Variants in FUNDC1 observed in about 807,000 individuals in gnomAD.
The protein encoded by FUNDC1 is FUN14 domain containing 1, also known as FUN14 domain-containing protein 1.
In FUNDC1, 10 loss-of-function variants were observed where a neutral mutation model predicts 14.5. The observed-to-expected ratio is 0.69, with a 90% CI of 0.43 to 1.17. The LOEUF is 1.17. Ranked by LOEUF, FUNDC1 falls within the 50% of genes most tolerant of loss-of-function variation. The pLI is 0.00. For missense variants in FUNDC1, 115 were observed against 113.8 expected (o/e 1.01, Z -0.05); for synonymous variants, 33 against 39.7 (o/e 0.83, Z 0.64).
Position 44,538,527 on chromosome X carries a change from C to G in FUNDC1, c.201G>C (p.Leu67=). ...GGVTGWCAGF[L]FQKVGKLAAT... is the part of the protein sequence containing the mutation. ...CTGCAAGTTTTCCAACTTTCTGGAACAGAAATCCTGCACACCTTTAATCAA... is the reference window on the plus strand; with the variant it reads ...CTGCAAGTTTTCCAACTTTCTGGAAGAGAAATCCTGCACACCTTTAATCAA... The change falls in exon 3 of 5, where the codon CTG becomes CTC. Residue 67 remains leucine, a synonymous_variant. Coordinates refer to ENST00000378045, the MANE Select transcript of FUNDC1 (RefSeq NM_173794.4). 8.3e-7 allele frequency: 1 copy of G among 1,202,364 alleles called. No individual in the cohort carries two copies. Among genetic ancestry groups the G allele is most frequent in the Non-Finnish European group, 1.1e-6 (1 of 886,986 alleles).
rs565517870 is a variant in FUNDC1, at chrX:44,531,305, ATGTTGGC to A, written c.262-3947_262-3941del. ...ACACACGGCTTTCAGATGAAGATTCATGTTGGCCAGACACACACACACACACACACAC... is the reference window on the plus strand; with the variant it reads ...ACACACGGCTTTCAGATGAAGATTCACAGACACACACACACACACACACAC... On this transcript the variant is annotated intron_variant, in intron 3 of 4. Transcript: ENST00000378045. Among the ~76,000 whole-genome samples, 98 of 35,264 alleles carry A rather than the reference ATGTTGGC, an allele frequency of 2.8e-3. 10 individuals are homozygous for A. Among genetic ancestry groups the A allele is most frequent in the African/African-American group, 0.023 (37 of 1,583 alleles). The allele number at this position is 35,264 out of a possible 115,157, so 30.6% of individuals were successfully genotyped here. A position where few individuals can be genotyped will look rare whatever the true frequency, so the allele number is the denominator to read the frequency against.
chrX:44,538,562 G>A lies in FUNDC1; in HGVS notation c.186-20C>T, dbSNP rs765750799. On this transcript the variant is annotated intron_variant, in intron 2 of 4. Coordinates refer to ENST00000378045, the MANE Select transcript of FUNDC1 (RefSeq NM_173794.4). ...GCACACCTTTAATCAAATAACAAAAGATGAAAACAATCAATTATGTACTAA... is the reference window on the plus strand; with the variant it reads ...GCACACCTTTAATCAAATAACAAAAAATGAAAACAATCAATTATGTACTAA... The A allele has an allele frequency of 2.8e-5, 32 of 1,133,717 alleles. No homozygotes were observed. Among genetic ancestry groups the A allele is most frequent in the Non-Finnish European group, 2.4e-6 (2 of 827,670 alleles). The allele number at this position is 1,133,717 out of a possible 1,213,427, so 93.4% of individuals were successfully genotyped here. A position where few individuals can be genotyped will look rare whatever the true frequency, so the allele number is the denominator to read the frequency against.
chrX:44,536,101 CA>C (rs1268165318), intron 3 of FUNDC1, among the ~76,000 whole-genome samples: 2 of 109,508 alleles, frequency 1.8e-5, no homozygotes, highest in African/African-American at 6.7e-5. Flanking sequence ...ATCAATAGGT[CA>C]AGAGTTCTAG....
At chrX:44,527,501 GT>G in intron 3 of FUNDC1, 136 bp from the exon 4 acceptor site, 1 of 399,598 alleles carries the variant, frequency 2.5e-6, no homozygotes, top group Non-Finnish European at 4.0e-6. Flanking sequence ...TTCTCCACTA[GT>G]TTATTCATTT....
chrX:44,535,602 G>A (rs1319353591), intron 3 of FUNDC1, among the ~76,000 whole-genome samples: 19 of 102,558 alleles, frequency 1.9e-4, no homozygotes, highest in African/African-American at 3.3e-4. Flanking sequence ...CCTGGGAGGC[G>A]GAGCTTGCAG....
intron 1 of FUNDC1, chrX:44,542,329 C>A: frequency 2.5e-6 from 1 of 393,232 alleles, no homozygotes; most frequent in Non-Finnish European, 4.4e-6. Flanking sequence ...GCCCGGGGAC[C>A]AGCCTGGGGT....
intron 1 of FUNDC1, chrX:44,542,366 A>G: frequency 2.6e-6 from 1 of 380,809 alleles, no homozygotes; most frequent in Non-Finnish European, 4.5e-6. Context: ...ACTCAGAATG[A>G]CACAGTAGTG....
chrX:44,538,725 T>C (rs1257559122), intron 2 of FUNDC1, among the ~76,000 whole-genome samples, 183 bp from the exon 3 acceptor site: 1 of 111,398 alleles, frequency 9.0e-6, no homozygotes, highest in African/African-American at 3.3e-5. Flanking sequence ...AAATGCACAA[T>C]CTAAAATGTC....
At chrX:44,542,269 C>T (rs2038975310) in intron 1 of FUNDC1, 168 bp from the exon 2 acceptor site, 3 of 439,070 alleles carry the variant, frequency 6.8e-6, no homozygotes, top group Non-Finnish European at 1.2e-5. Context: ...AGACCAGGGC[C>T]TCAAGAGTAA....
chrX:44,524,627 A>C (rs764660401), intron 4 of FUNDC1, among the ~76,000 whole-genome samples: 2 of 111,586 alleles, frequency 1.8e-5, no homozygotes, highest in Non-Finnish European at 3.8e-5. Flanking sequence ...AAGATGCACA[A>C]AAAAAAATTC....
At chrX:44,542,149 T>C in intron 1 of FUNDC1, 48 bp from the exon 2 acceptor site, 1 of 973,372 alleles carries the variant, frequency 1.0e-6, no homozygotes, top group Non-Finnish European at 1.4e-6. Context: ...CAATCAAAAG[T>C]CAGAAATGTT....
At chrX:44,524,517 TG>T (rs1418708216) in intron 4 of FUNDC1, among the ~76,000 whole-genome samples, 3 of 110,933 alleles carry the variant, frequency 2.7e-5, no homozygotes, top group Non-Finnish European at 5.6e-5. Context: ...ATAGTGGTAA[TG>T]ATTGCAGAAA....
intron 3 of FUNDC1, among the ~76,000 whole-genome samples, chrX:44,528,657 T>C (rs986036924): frequency 1.2e-4 from 14 of 113,165 alleles, no homozygotes; most frequent in African/African-American, 4.2e-4. Flanking sequence ...AAATATTTTA[T>C]GTATGTATAT....
intron 3 of FUNDC1, 104 bp from the exon 4 acceptor site, chrX:44,527,469 C>A: frequency 1.8e-6 from 1 of 570,133 alleles, no homozygotes; most frequent in Non-Finnish European, 2.5e-6. Context: ...ACCTATAAAA[C>A]TTATAGCTAA....
intron 3 of FUNDC1, among the ~76,000 whole-genome samples, chrX:44,531,291 T>TACACACACA (rs2038923196): frequency 2.7e-5 from 1 of 37,407 alleles, no homozygotes; most frequent in Non-Finnish European, 4.2e-5. Flanking sequence ...CACACGGCTT[T>TACACACACA]CAGATGAAGA....
intron 2 of FUNDC1, among the ~76,000 whole-genome samples, chrX:44,541,356 T>C (rs2038970668): frequency 8.9e-6 from 1 of 112,071 alleles, no homozygotes; most frequent in African/African-American, 3.2e-5. Flanking sequence ...TAACTACTTC[T>C]TAATGGACTC....
At chrX:44,528,255 T>C (rs2147471523) in intron 3 of FUNDC1, among the ~76,000 whole-genome samples, 1 of 112,494 alleles carries the variant, frequency 8.9e-6, no homozygotes, top group South Asian at 3.6e-4. Context: ...ATACTTTAAA[T>C]AATAAAAATA....
intron 3 of FUNDC1, among the ~76,000 whole-genome samples, chrX:44,537,474 AG>A (rs112847701): frequency 0.057 from 6,377 of 111,757 alleles, 452 homozygotes; most frequent in African/African-American, 0.2. Flanking sequence ...AACTAAATTT[AG>A]GTATTAATCA....
chrX:44,527,493 C>T, intron 3 of FUNDC1, 128 bp from the exon 4 acceptor site: 1 of 431,214 alleles, frequency 2.3e-6, no homozygotes, highest in Non-Finnish European at 3.6e-6. Flanking sequence ...ATTGCTTTTT[C>T]TCCACTAGTT....
Sources: allele counts gnomAD v4.1 joint callset (sites outside exome capture counted in the v4.1 genomes callset), GRCh38; gene constraint gnomAD v4.1.1; transcripts MANE v1.5; gene names NCBI Gene and HGNC (gene_info 2026-07-23, HGNC 2026-07-21).